MYL11: variants seen among roughly 807,000 people sequenced by gnomAD.
MYL11 encodes myosin regulatory light chain 11.
At chr16:30,375,933 A>G in the MYL11 span, 1 of 1,611,640 alleles carries the variant, frequency 6.2e-7, no homozygotes, top group African/African-American at 1.3e-5. Flanking sequence ...GGACGGGGAA[A>G]CTGGAAGGCT....
the MYL11 span, chr16:30,374,704 G>T: frequency 1.2e-5 from 10 of 849,606 alleles, no homozygotes; most frequent in South Asian, 1.6e-4. Context: ...GGGCTATTTT[G>T]GTATCTGGGG....
the MYL11 span, among the ~76,000 whole-genome samples, chr16:30,375,419 C>T: frequency 1.3e-5 from 2 of 149,644 alleles, no homozygotes; most frequent in Non-Finnish European, 1.5e-5. Context: ...AAGCCGAGAT[C>T]GCAGCACCGC....
At chr16:30,377,813 G>T in the MYL11 span, 1 of 1,614,124 alleles carries the variant, frequency 6.2e-7, no homozygotes, top group Non-Finnish European at 8.5e-7. Context: ...ACATGTGGGC[G>T]GCCTTCCCCC....
At chr16:30,374,095 C>T in the MYL11 span, among the ~76,000 whole-genome samples, 2 of 151,876 alleles carry the variant, frequency 1.3e-5, no homozygotes, top group Non-Finnish European at 2.9e-5. Flanking sequence ...GATGGATCAC[C>T]AGGTCAGAAG....
chr16:30,377,447 T>TG, the MYL11 span: 1 of 481,608 alleles, frequency 2.1e-6, no homozygotes, highest in Admixed American at 3.7e-5. Context: ...AGGGAGTAGT[T>TG]AAGATTGTGG....
the MYL11 span, among the ~76,000 whole-genome samples, chr16:30,373,997 T>C: frequency 6.6e-6 from 1 of 151,970 alleles, no homozygotes; most frequent in Non-Finnish European, 1.5e-5. Context: ...ACATGTTTAC[T>C]GGGTTTATTT....
chr16:30,371,002 A>G, the MYL11 span: 2 of 152,270 alleles, frequency 1.3e-5, no homozygotes, highest in African/African-American at 4.8e-5. Flanking sequence ...GTCTCCCAAA[A>G]TGGTCAGTAA....
the MYL11 span, chr16:30,371,107 AATAG>A: frequency 6.6e-6 from 1 of 152,280 alleles, no homozygotes; most frequent in African/African-American, 2.4e-5. Context: ...AGGACAGGAA[AATAG>A]ATAGCTGTCT....
chr16:30,377,780 C>G, the MYL11 span: 2 of 1,613,600 alleles, frequency 1.2e-6, no homozygotes, highest in Non-Finnish European at 1.7e-6. Flanking sequence ...CGAGACGCCC[C>G]TACGTCTTTC....
At chr16:30,374,329 G>A in the MYL11 span, among the ~76,000 whole-genome samples, 1 of 151,472 alleles carries the variant, frequency 6.6e-6, no homozygotes, top group Non-Finnish European at 1.5e-5. Flanking sequence ...AAAAAAAAAG[G>A]GAGACAGGGG....
At chr16:30,374,642 C>T in the MYL11 span, 13 of 553,552 alleles carry the variant, frequency 2.3e-5, no homozygotes, top group Middle Eastern at 4.7e-4. Flanking sequence ...CCCTTCCTCC[C>T]CGCTGGGCTC....
At chr16:30,371,416 CTCTAT>C in the MYL11 span, among the ~76,000 whole-genome samples, 1 of 152,138 alleles carries the variant, frequency 6.6e-6, no homozygotes, top group Non-Finnish European at 1.5e-5. Flanking sequence ...TCATCCTTTA[CTCTAT>C]AATTCTCCGA....
At chr16:30,377,813 G>C in the MYL11 span, 1 of 1,614,124 alleles carries the variant, frequency 6.2e-7, no homozygotes, top group Non-Finnish European at 8.5e-7. Flanking sequence ...ACATGTGGGC[G>C]GCCTTCCCCC....
the MYL11 span, chr16:30,377,606 A>G: frequency 7.0e-7 from 1 of 1,426,466 alleles, no homozygotes; most frequent in Non-Finnish European, 9.3e-7. Context: ...GGGAGTGGAA[A>G]GGAACCAGGA....
the MYL11 span, chr16:30,370,973 G>T: frequency 7.2e-5 from 11 of 152,326 alleles, no homozygotes; most frequent in African/African-American, 2.7e-4. Context: ...TCAATAGGAA[G>T]AGCTGAAGAA....
chr16:30,374,724 G>A, the MYL11 span: 115 of 1,177,836 alleles, frequency 9.8e-5, no homozygotes, highest in African/African-American at 1.5e-3. Flanking sequence ...GTGGGCACCC[G>A]CAGGGCTAAG....
chr16:30,372,469 ACTTGGGGCTTCCTCAGCCACTATTTTT>A, the MYL11 span: 1 of 152,244 alleles, frequency 6.6e-6, no homozygotes, highest in East Asian at 1.9e-4. Context: ...GTCCTTGCCA[ACTTGGGGCTTCCTCAGCCACTATTTTT>A]CCAGACTTCT....
the MYL11 span, among the ~76,000 whole-genome samples, chr16:30,373,411 C>T: frequency 9.2e-5 from 14 of 152,106 alleles, no homozygotes; most frequent in Admixed American, 8.5e-4. Context: ...CTGGCTAACG[C>T]GGGGAAACCC....
chr16:30,377,609 A>G, the MYL11 span: 1 of 1,435,298 alleles, frequency 7.0e-7, no homozygotes. Context: ...AGTGGAAAGG[A>G]ACCAGGAACC....
Sources: gnomAD v4.1 joint callset for allele counts (sites outside exome capture counted in the v4.1 genomes callset) on GRCh38, gnomAD v4.1.1 for gene constraint, MANE v1.5 for transcripts, NCBI Gene and HGNC (gene_info 2026-07-23, HGNC 2026-07-21) for gene names.